Variants in IRS2 observed in about 807,000 individuals in gnomAD.
IRS2 encodes the protein insulin receptor substrate 2.
In IRS2, 28 loss-of-function variants were observed where a neutral mutation model predicts 70.9. That is an observed-to-expected ratio of 0.39 (90% CI 0.29 to 0.54). The LOEUF (loss-of-function observed/expected upper bound fraction) is 0.54, where lower values mean the gene tolerates loss of function less well. Among genes scored for constraint, IRS2 ranks in the 20% least tolerant of loss-of-function variants. The pLI is 0.59. For missense variants in IRS2, 2,081 were observed against 2,024.1 expected, an observed-to-expected ratio of 1.03 and a Z score of -0.54; for synonymous variants, 1,217 against 981.9, an observed-to-expected ratio of 1.24 and a Z score of -4.48.
chr13:109,781,334 C>G (rs1338054094), intron 1 of IRS2, among the ~76,000 whole-genome samples: 1 of 152,276 alleles, frequency 6.6e-6, no homozygotes, highest in Non-Finnish European at 1.5e-5. Flanking sequence ...TTAACACAGG[C>G]CAGAGATCCA....
intron 1 of IRS2, among the ~76,000 whole-genome samples, chr13:109,777,373 C>T (rs1295135491): frequency 1.3e-5 from 2 of 152,172 alleles, no homozygotes; most frequent in African/African-American, 2.4e-5. Flanking sequence ...TAACAGAAAA[C>T]CCATTATACT....
At chr13:109,768,907 G>T (rs147329778) in intron 1 of IRS2, among the ~76,000 whole-genome samples, 3 of 152,116 alleles carry the variant, frequency 2.0e-5, no homozygotes, top group African/African-American at 7.2e-5. Context: ...AAAAAACAGG[G>T]ATAACAACAA....
intron 1 of IRS2, among the ~76,000 whole-genome samples, chr13:109,756,747 G>C (rs1187791146): frequency 6.6e-6 from 1 of 152,188 alleles, no homozygotes; most frequent in African/African-American, 2.4e-5. Context: ...CAGGGCTGCA[G>C]AGATGAAAAA....
chr13:109,772,688 A>ATTTT (rs34886741), intron 1 of IRS2, among the ~76,000 whole-genome samples: 29 of 130,876 alleles, frequency 2.2e-4, no homozygotes, highest in Admixed American at 3.8e-4. Context: ...TGCCTATTAC[A>ATTTT]TTTTTTTTTT....
At chr13:109,764,822 C>T (rs553260445) in intron 1 of IRS2, among the ~76,000 whole-genome samples, 2 of 152,352 alleles carry the variant, frequency 1.3e-5, no homozygotes, top group African/African-American at 4.8e-5. Flanking sequence ...GCCGAATGCA[C>T]AAAAACAATG....
rs775912180 is a variant in IRS2, at chr13:109,782,926, C to T, written c.3128G>A (p.Arg1043His). The T allele has an allele frequency of 3.3e-6, 5 of 1,517,810 alleles. No homozygotes were observed. Among genetic ancestry groups the T allele is most frequent in the African/African-American group, 2.9e-5 (2 of 68,466 alleles). 94.0% of individuals were successfully genotyped at this position (1,517,810 alleles called of 1,614,324 possible). The change falls in exon 1 of 2, where the codon CGC becomes CAC. Residue 1043 changes from arginine to histidine, a missense_variant. Arg to His is a conservative substitution (Grantham distance 29, BLOSUM62 0). Transcript: ENST00000375856. ...PPPPAPGELY[R>H]LPPASAVATA... ...GGCAACGGCCGAGGCGGGGGGCAGG[C>T]GGTACAGCTCCCCCGGGGCCGGCGG... is the stretch of plus-strand genomic sequence containing the variant.
intron 1 of IRS2, among the ~76,000 whole-genome samples, chr13:109,778,835 T>C (rs1305645169): frequency 6.6e-6 from 1 of 152,140 alleles, no homozygotes; most frequent in Non-Finnish European, 1.5e-5. Context: ...TAAAAAGGAA[T>C]ACTAAAACAG....
At chr13:109,781,231 C>T (rs1206468075) in intron 1 of IRS2, among the ~76,000 whole-genome samples, 1 of 152,100 alleles carries the variant, frequency 6.6e-6, no homozygotes, top group Non-Finnish European at 1.5e-5. Context: ...ACAGGGTGGT[C>T]CCCCGGCCAG....
In IRS2 at chr13:109,784,101, G is replaced by T; in HGVS notation, c.1953C>A (p.Asp651Glu). 1 of 1,592,696 alleles carries T rather than the reference G, an allele frequency of 6.3e-7. No individual in the cohort carries two copies. Residue 651 changes from aspartate (D) to glutamate (E), a missense_variant, in exon 1 of 2, where the codon GAC becomes GAA. Asp to Glu is a conservative substitution (Grantham distance 45). Around this residue, in one of 4 missense-constraint regions of IRS2, gnomAD observed 1,615 missense variants for 1,459.5 expected, o/e 1.11. Transcript: ENST00000375856. The surrounding 1 kb of genome is among the most constrained non-coding windows in gnomAD (Gnocchi z 5.2). ...RSSSSNLGAD[D>E]GYMPMTPGAA... is the part of the protein sequence containing the mutation. The stretch of plus-strand genomic sequence containing the variant: ...CGCCGGGCGTCATGGGCATGTAGCC[G>T]TCGTCTGCCCCCAGGTTGCTGCTGG...
rs776229757 is a variant in IRS2, at chr13:109,753,797, TAAAC to T, written c.*2503_*2506del. ...CTCTAAAAGTAGATTGGCTTTATGTTAAACAGAGAATTCGTACAGAAAAAATCTT... is the reference window on the plus strand; with the variant it reads ...CTCTAAAAGTAGATTGGCTTTATGTTAGAGAATTCGTACAGAAAAAATCTT... On this transcript the variant is annotated 3_prime_UTR_variant, in exon 2 of 2. Transcript: ENST00000375856. 1.5e-5 allele frequency: 3 copies of T among 206,452 alleles called. No homozygotes were observed. The highest frequency in any genetic ancestry group is 3.0e-5 in the Non-Finnish European group (3 of 100,988). 12.8% of individuals were successfully genotyped at this position (206,452 alleles called of 1,614,324 possible).
At chr13:109,766,839 C>A (rs1877346369) in intron 1 of IRS2, among the ~76,000 whole-genome samples, 1 of 152,250 alleles carries the variant, frequency 6.6e-6, no homozygotes, top group Non-Finnish European at 1.5e-5. Flanking sequence ...ATGTGACCCA[C>A]TGGCACTGAA....
chr13:109,764,429 C>T (rs138218600), intron 1 of IRS2, among the ~76,000 whole-genome samples: 198 of 152,302 alleles, frequency 1.3e-3, no homozygotes, highest in African/African-American at 4.7e-3. Flanking sequence ...AGTGGAGTCA[C>T]AGGGAACCTG....
chr13:109,772,991 G>C (rs1005661501), intron 1 of IRS2, among the ~76,000 whole-genome samples: 1 of 152,084 alleles, frequency 6.6e-6, no homozygotes, highest in Non-Finnish European at 1.5e-5. Flanking sequence ...CACCGCGCCC[G>C]GCCGCCTATT....
intron 1 of IRS2, among the ~76,000 whole-genome samples, chr13:109,760,339 T>C (rs1157316341): frequency 1.3e-5 from 2 of 152,360 alleles, no homozygotes; most frequent in African/African-American, 4.8e-5. Context: ...GTTCTGCTGC[T>C]ACAGGTAATC....
chr13:109,773,436 G>C (rs1002680457), intron 1 of IRS2, among the ~76,000 whole-genome samples: 1 of 152,200 alleles, frequency 6.6e-6, no homozygotes, highest in South Asian at 2.1e-4. Flanking sequence ...ACCTGTCTTA[G>C]AGACACAGAG....
At position 109,784,018 on chromosome 13, in the gene IRS2, C is replaced by A; in HGVS notation, c.2036G>T (p.Ser679Ile). Reference sequence around the variant, plus strand: ...CTTGGGGGCGGACACGCTGGCGGGGCTCATGGGCATGTAGTCGTCGCTCCT... The same window carrying A: ...CTTGGGGGCGGACACGCTGGCGGGGATCATGGGCATGTAGTCGTCGCTCCT... ...SCRSDDYMPM[S>I]PASVSAPKQI... The change falls in exon 1 of 2, where the codon AGC (serine) becomes ATC (isoleucine). Residue 679 changes from serine to isoleucine, a missense_variant. Ser to Ile is a moderately radical substitution (Grantham distance 142). Transcript: ENST00000375856. This position sits in a 1 kb window ranked among gnomAD's most constrained non-coding sequence, Gnocchi z 5.2. 6.5e-7 allele frequency: 1 copy of A among 1,537,570 alleles called. No homozygotes were observed. Among genetic ancestry groups the A allele is most frequent in the Non-Finnish European group, 8.7e-7 (1 of 1,146,650 alleles).
intron 1 of IRS2, among the ~76,000 whole-genome samples, chr13:109,777,143 C>T (rs1440570910): frequency 1.3e-5 from 2 of 152,134 alleles, no homozygotes; most frequent in Non-Finnish European, 2.9e-5. Flanking sequence ...CACTTTGCCT[C>T]ACCCAGTGTT....
rs918898281 is a variant in IRS2 at position 109,783,847 on chromosome 13, G to A, written c.2207C>T (p.Ser736Phe). 3.2e-6 allele frequency: 5 copies of A among 1,570,548 alleles called. No individual in the cohort carries two copies. In the Admixed American group the frequency reaches 9.2e-5, roughly 29 times the overall value. Residue 736 changes from serine to phenylalanine, a missense_variant, in exon 1 of 2, where the codon TCC (serine) becomes TTC (phenylalanine). Coordinates refer to ENST00000375856, the MANE Select transcript of IRS2 (RefSeq NM_003749.3). ...GCGCATGTACCCACTGTCCTCGGGG[G>A]AGCTCTCGGCGGGCGAGCTGGCCTT... ...GYKASSPAES[S>F]PEDSGYMRMW...
intron 1 of IRS2, among the ~76,000 whole-genome samples, chr13:109,768,184 A>C (rs1877377771): frequency 6.6e-6 from 1 of 152,264 alleles, no homozygotes; most frequent in Non-Finnish European, 1.5e-5. Flanking sequence ...ACACAGTTCA[A>C]GCAGATAATT....
Sources: allele counts gnomAD v4.1 joint callset (sites outside exome capture counted in the v4.1 genomes callset), GRCh38; gene constraint gnomAD v4.1.1; regional missense constraint gnomAD v4.1.1; non-coding constraint Gnocchi (gnomAD v3.1); transcripts MANE v1.5; gene names NCBI Gene and HGNC (gene_info 2026-07-23, HGNC 2026-07-21).